Variants in CEP131 observed in about 807,000 individuals in gnomAD.
CEP131 encodes centrosomal protein 131, also known as centrosomal protein of 131 kDa.
A neutral mutation model predicts 136.8 loss-of-function variants in CEP131; 99 were observed. That is an observed-to-expected ratio of 0.72 (90% CI 0.62 to 0.86). The LOEUF is 0.86. CEP131 is among the 40% of genes least tolerant of loss of function. The probability of loss-of-function intolerance (pLI) is 0.00; values close to 1 mark genes in which losing one functional copy is unlikely to be tolerated. For missense variants in CEP131, 1,459 were observed against 1,463.0 expected, an observed-to-expected ratio of 1.00 and a Z score of 0.04; for synonymous variants, 646 against 612.7, an observed-to-expected ratio of 1.05 and a Z score of -0.80.
At chr17:81,192,630 C>A in intron 19 of CEP131, 37 bp from the exon 20 acceptor site, 1 of 1,433,464 alleles carries the variant, frequency 7.0e-7, no homozygotes, top group African/African-American at 1.5e-5. Context: ...GAGGGGTCAT[C>A]GAGTAAGGAG....
At chr17:81,193,494 G>C (rs906177) in intron 18 of CEP131, among the ~76,000 whole-genome samples, 4,613 of 152,262 alleles carry the variant, frequency 0.03, 151 homozygotes, top group East Asian at 0.18. Flanking sequence ...CCAGGGCTCA[G>C]GACGCAAGAG....
chr17:81,202,356 G>C lies in CEP131; in HGVS notation c.672C>G (p.Ser224Arg). 1.2e-6 allele frequency: 2 copies of C among 1,613,518 alleles called. No individual in the cohort carries two copies. The highest frequency in any genetic ancestry group is 4.5e-5 in the East Asian group (2 of 44,854). ...KAATCEGSES[S>R]GFGKLPKNVS... is the part of the protein sequence containing the mutation. Reference sequence around the variant, plus strand: ...CATTCTTCGGCAGCTTCCCAAAGCCGCTGCTCTCACTGCCCTCACAGGTGG... The same window carrying C: ...CATTCTTCGGCAGCTTCCCAAAGCCCCTGCTCTCACTGCCCTCACAGGTGG... The change falls in exon 7 of 26, where the codon AGC becomes AGG. Residue 224 changes from serine to arginine, a missense_variant. Coordinates refer to ENST00000450824, the MANE Select transcript of CEP131 (RefSeq NM_014984.4).
At position 81,198,204 on chromosome 17, in the gene CEP131, G is replaced by A; in HGVS notation, c.1381C>T (p.Leu461=). The change falls in exon 12 of 26, where the codon CTG becomes TTG. Residue 461 remains leucine (L), a synonymous_variant. Coordinates refer to ENST00000450824, the MANE Select transcript of CEP131 (RefSeq NM_014984.4). ...AKSRGPLEEL[L]HTLQLLEKEP... is the part of the protein sequence containing the mutation. ...TTCTCCAGCAGCTGCAGTGTGTGCA[G>A]CAGCTCCTCCAGTGGCCCCCTGGAC... 1 of 1,592,310 alleles carries A rather than the reference G, an allele frequency of 6.3e-7. No homozygotes were observed. The highest frequency in any genetic ancestry group is 1.1e-5 in the South Asian group (1 of 88,122).
intron 6 of CEP131, 36 bp from the exon 7 acceptor site, chr17:81,202,434 C>G (rs1437858676): frequency 1.3e-6 from 2 of 1,599,370 alleles, no homozygotes; most frequent in African/African-American, 1.3e-5. Flanking sequence ...CGTCTCACCG[C>G]CCAGGGGAAC....
rs553402175 is a variant in CEP131 at position 81,192,662 on chromosome 17, G to A, written c.2430-69C>T. 5.1e-4 allele frequency: 707 copies of A among 1,393,412 alleles called. 3 individuals are homozygous for A. In the East Asian group the frequency reaches 5.2e-3, roughly 10 times the overall value. The allele number at this position is 1,393,412 out of a possible 1,614,324, so 86.3% of individuals were successfully genotyped here. On this transcript the variant is annotated intron_variant, in intron 19 of 25. Transcript: ENST00000450824. ...GGAGTCAGGGATGGGAGAGGTCAGC[G>A]GGTGAGGGGGCGGGGGGGAGGGGTC...
rs1386599707 is a variant in CEP131 at position 81,204,770 on chromosome 17, GACC to G, written c.516-1166_516-1164del. Among the ~76,000 whole-genome samples the G allele has an allele frequency of 3.3e-3, 505 of 151,082 alleles. 2 individuals carry two copies. Among genetic ancestry groups the G allele is most frequent in the African/African-American group, 0.012 (470 of 40,838 alleles). The stretch of plus-strand genomic sequence containing the variant: ...CCTGCACCGGACCACACCTGCACCG[GACC>G]GCACCAGGCACCAGCCCACGCCCAG... On this transcript the variant is annotated intron_variant, in intron 5 of 25. Coordinates refer to ENST00000450824, the MANE Select transcript of CEP131 (RefSeq NM_014984.4).
chr17:81,189,787 G>A lies in CEP131; in HGVS notation c.3225C>T (p.Pro1075=). The A allele has an allele frequency of 6.2e-7, 1 of 1,607,020 alleles. No individual in the cohort carries two copies. Among genetic ancestry groups the A allele is most frequent in the South Asian group, 1.1e-5 (1 of 90,592 alleles). Residue 1075 remains proline (P), a synonymous_variant, in exon 26 of 26, where the codon CCC becomes CCT. Coordinates refer to ENST00000450824, the MANE Select transcript of CEP131 (RefSeq NM_014984.4). The part of the protein sequence containing the change: ...LEELLEQHRR[P]TPSTK ...TCCCTGGTCACTTGGTACTTGGCGT[G>A]GGCCTCCTGTGCTGCTCCAGCAGCT...
chr17:81,191,411 T>C, intron 21 of CEP131, 76 bp from the exon 22 acceptor site: 1 of 1,446,564 alleles, frequency 6.9e-7, no homozygotes, highest in Non-Finnish European at 9.6e-7. Context: ...CAGGGGGTCC[T>C]GGGGGGCTCC....
At chr17:81,201,957 C>A (rs1420325566) in intron 7 of CEP131, among the ~76,000 whole-genome samples, 1 of 152,008 alleles carries the variant, frequency 6.6e-6, no homozygotes, top group African/African-American at 2.4e-5. Flanking sequence ...AAAAATTAGC[C>A]AGGCGTGGTG....
At chr17:81,196,316 T>G (rs2061754426) in intron 15 of CEP131, among the ~76,000 whole-genome samples, 1 of 152,168 alleles carries the variant, frequency 6.6e-6, no homozygotes, top group Non-Finnish European at 1.5e-5. Flanking sequence ...CCAGCCTCAC[T>G]GCCGGCCCCA....
At chr17:81,198,573 G>A (rs2061819864) in intron 11 of CEP131, among the ~76,000 whole-genome samples, 1 of 152,188 alleles carries the variant, frequency 6.6e-6, no homozygotes, top group South Asian at 2.1e-4. Flanking sequence ...AGCAGCCTGG[G>A]AGCCTTGGCT....
intron 2 of CEP131, among the ~76,000 whole-genome samples, chr17:81,211,905 C>G (rs988616873): frequency 6.7e-6 from 1 of 148,708 alleles, no homozygotes; most frequent in Non-Finnish European, 1.5e-5. Flanking sequence ...TGCACTCCAA[C>G]CTGGGCAACA....
chr17:81,197,070 G>A lies in CEP131; in HGVS notation c.1648-15C>T, dbSNP rs773938262. ...GGCACCCACCCCTGCAGACACAGCC[G>A]AGCGTCAGGCGGAAGCGGCAGAGGA... On this transcript the variant is annotated splice_polypyrimidine_tract_variant and intron_variant, in intron 13 of 25. Coordinates refer to ENST00000450824, the MANE Select transcript of CEP131 (RefSeq NM_014984.4). The A allele has an allele frequency of 2.2e-5, 35 of 1,579,078 alleles. No homozygotes were observed. Among genetic ancestry groups the A allele is most frequent in the East Asian group, 4.6e-5 (2 of 43,324 alleles).
intron 15 of CEP131, among the ~76,000 whole-genome samples, chr17:81,196,438 C>T (rs941099618): frequency 5.9e-5 from 9 of 152,228 alleles, no homozygotes; most frequent in African/African-American, 2.2e-4. Flanking sequence ...GAACAGGAGC[C>T]AACCGGGGCT....
chr17:81,196,409 T>A (rs181091440), intron 15 of CEP131, among the ~76,000 whole-genome samples: 11 of 152,174 alleles, frequency 7.2e-5, no homozygotes, highest in African/African-American at 2.6e-4. Context: ...CCAGACCAAC[T>A]CTAGGTCTCT....
chr17:81,206,740 G>A lies in CEP131; in HGVS notation c.515+4C>T, dbSNP rs368709988. 4.3e-6 allele frequency: 7 copies of A among 1,612,012 alleles called. No individual in the cohort carries two copies. The highest frequency in any genetic ancestry group is 3.3e-5 in the South Asian group (3 of 90,816). ...CCCGTCGTGGGCACCTGCACAGGTC[G>A]TACCTGTTGTTAGCAGTGAAGTTGG... On this transcript the variant is annotated splice_donor_region_variant and intron_variant, in intron 5 of 25. Transcript: ENST00000450824.
chr17:81,194,889 G>A lies in CEP131; in HGVS notation c.2100C>T (p.Ile700=), dbSNP rs2061720579. 3 of 1,613,252 alleles carry A rather than the reference G, an allele frequency of 1.9e-6. No homozygotes were observed. The highest frequency in any genetic ancestry group is 2.5e-6 in the Non-Finnish European group (3 of 1,179,974). ...EKWISEKTKK[I]KEVTVRGLEP... is the part of the protein sequence containing the mutation. ...GCCCACCTCGGACAGTGACCTCCTTGATCTTCTTGGTTTTCTCACTGATCC... is the reference window on the plus strand; with the variant it reads ...GCCCACCTCGGACAGTGACCTCCTTAATCTTCTTGGTTTTCTCACTGATCC... The change falls in exon 17 of 26, where the codon ATC becomes ATT. Residue 700 remains isoleucine, a synonymous_variant. Transcript: ENST00000450824.
rs1013374839 is a variant in CEP131, at chr17:81,198,408, C to A, written c.1288-111G>T. 3 of 1,140,746 alleles carry A rather than the reference C, an allele frequency of 2.6e-6. No homozygotes were observed. The Admixed American group carries it at 8.3e-5, about 31-fold the overall frequency. The allele number at this position is 1,140,746 out of a possible 1,614,324, so 70.7% of individuals were successfully genotyped here. On this transcript the variant is annotated intron_variant, in intron 11 of 25. Transcript: ENST00000450824. Reference sequence around the variant, plus strand: ...AAGGCGCCGCGGGAGCTCCCCAGTCCCGACATTCAGCCCCAGGAAGGTGAG... The same window carrying A: ...AAGGCGCCGCGGGAGCTCCCCAGTCACGACATTCAGCCCCAGGAAGGTGAG...
Position 81,222,758 on chromosome 17 carries a change from GC to G in CEP131, c.-18+10del. 6.6e-6 allele frequency: 1 copy of G among 151,738 alleles called. No homozygotes were observed. The highest frequency in any genetic ancestry group is 1.5e-5 in the Non-Finnish European group (1 of 67,898). The allele number at this position is 151,738 out of a possible 1,614,324, so 9.4% of individuals were successfully genotyped here. A position where few individuals can be genotyped will look rare whatever the true frequency, so the allele number is the denominator to read the frequency against. On this transcript the variant is annotated intron_variant, in intron 1 of 25. Transcript: ENST00000450824. ...CCCTGCAACCCCCTCCCTTGCCCGGGCCCCCCTCACCTGCGCGGGCCGGGGG... is the reference window on the plus strand; with the variant it reads ...CCCTGCAACCCCCTCCCTTGCCCGGGCCCCCTCACCTGCGCGGGCCGGGGG...
Sources: allele counts gnomAD v4.1 joint callset (sites outside exome capture counted in the v4.1 genomes callset), GRCh38; gene constraint gnomAD v4.1.1; transcripts MANE v1.5; gene names NCBI Gene and HGNC (gene_info 2026-07-23, HGNC 2026-07-21).